Variants in HIVEP3 observed in about 807,000 individuals in gnomAD.
The protein encoded by HIVEP3 is HIVEP zinc finger 3.
In HIVEP3, 49 loss-of-function variants were observed where a neutral mutation model predicts 152.8. The observed-to-expected ratio is 0.32, with a 90% CI of 0.26 to 0.41. The LOEUF is 0.41. Ranked by LOEUF, HIVEP3 falls within the 10% of genes least tolerant of loss-of-function variation. The pLI, the probability that HIVEP3 is intolerant of heterozygous loss-of-function variation, is 1.00. For synonymous variants in HIVEP3, 1,269 were observed against 1,289.0 expected (o/e 0.98, Z 0.33); for missense variants, 2,790 against 3,103.3 (o/e 0.90, Z 2.40).
intron 1 of HIVEP3, among the ~76,000 whole-genome samples, chr1:41,830,569 CT>C (rs113226173): frequency 0.021 from 3,200 of 152,260 alleles, 132 homozygotes; most frequent in African/African-American, 0.074. Flanking sequence ...GGCCATACAC[CT>C]TTCCCAAAAG....
chr1:41,706,137 TG>T (rs1455062745), intron 1 of HIVEP3, among the ~76,000 whole-genome samples: 2 of 152,218 alleles, frequency 1.3e-5, no homozygotes, highest in Non-Finnish European at 2.9e-5. Flanking sequence ...TGCTGAGGTT[TG>T]GGCTTCAAAT....
intron 1 of HIVEP3, among the ~76,000 whole-genome samples, chr1:41,890,146 C>G (rs1175928120): frequency 6.6e-6 from 1 of 152,298 alleles, no homozygotes; most frequent in East Asian, 1.9e-4. Flanking sequence ...ATAGTCCCTA[C>G]CTCATGGGTT....
intron 3 of HIVEP3, among the ~76,000 whole-genome samples, chr1:41,592,211 C>T (rs1644598262): frequency 3.3e-5 from 5 of 152,180 alleles, no homozygotes; most frequent in Admixed American, 3.3e-4. Context: ...CCTGGAGTCA[C>T]CTTGGCTGCC....
intron 1 of HIVEP3, among the ~76,000 whole-genome samples, chr1:41,969,457 G>C (rs930513692): frequency 6.6e-6 from 1 of 152,158 alleles, no homozygotes; most frequent in African/African-American, 2.4e-5. Context: ...AAGCAATGGG[G>C]ACAGAATTTC....
chr1:41,599,020 T>C (rs1644708419), intron 3 of HIVEP3, among the ~76,000 whole-genome samples: 1 of 152,084 alleles, frequency 6.6e-6, no homozygotes, highest in South Asian at 2.1e-4. Context: ...TTTCACCATG[T>C]TGGCCAAGCT....
intron 5 of HIVEP3, among the ~76,000 whole-genome samples, chr1:41,559,856 C>T (rs911452388): frequency 5.3e-5 from 8 of 152,192 alleles, no homozygotes; most frequent in African/African-American, 1.2e-4. Flanking sequence ...TGCCACGTAC[C>T]GTGAGTACTT....
chr1:41,712,816 C>T (rs1646534406), intron 1 of HIVEP3, among the ~76,000 whole-genome samples: 1 of 152,206 alleles, frequency 6.6e-6, no homozygotes, highest in Admixed American at 6.5e-5. Flanking sequence ...AACTGGTGCC[C>T]TCCCAGGCTG....
chr1:41,514,641 T>C (rs1233276011), intron 7 of HIVEP3, among the ~76,000 whole-genome samples: 1 of 152,218 alleles, frequency 6.6e-6, no homozygotes, highest in Non-Finnish European at 1.5e-5. Flanking sequence ...TCCCATTGCC[T>C]GCCAGCCCCA....
At position 41,511,612 on chromosome 1, in the gene HIVEP3, T is replaced by C. The variant is rs1222583861; in HGVS notation, c.6406-346A>G. On this transcript the variant is annotated intron_variant, in intron 8 of 8. Coordinates refer to ENST00000372583, the MANE Select transcript of HIVEP3 (RefSeq NM_024503.5). This position sits in a 1 kb window ranked among gnomAD's most constrained non-coding sequence, Gnocchi z 4.9. Reference sequence around the variant, plus strand: ...CTGGCCTCTATGTGGGTCTGCTGCCTGTCCTGTTCCTAAAATGGTCTTCAC... The same window carrying C: ...CTGGCCTCTATGTGGGTCTGCTGCCCGTCCTGTTCCTAAAATGGTCTTCAC... Among the ~76,000 whole-genome samples the C allele has an allele frequency of 6.6e-6, 1 of 152,206 alleles. No individual in the cohort carries two copies. The highest frequency in any genetic ancestry group is 1.5e-5 in the Non-Finnish European group (1 of 68,028).
chr1:41,511,319 G>A lies in HIVEP3; in HGVS notation c.6406-53C>T. On this transcript the variant is annotated intron_variant, in intron 8 of 8. Coordinates refer to ENST00000372583, the MANE Select transcript of HIVEP3 (RefSeq NM_024503.5). The surrounding 1 kb of genome is among the most constrained non-coding windows in gnomAD (Gnocchi z 4.9). ...GGTGAAGGTTACATGCTGGGCACATGGGGAGCCGAGGCCTGGAAGTGGGAG... is the reference window on the plus strand; with the variant it reads ...GGTGAAGGTTACATGCTGGGCACATAGGGAGCCGAGGCCTGGAAGTGGGAG... 7.0e-7 allele frequency: 1 copy of A among 1,435,346 alleles called. No homozygotes were observed. The highest frequency in any genetic ancestry group is 9.4e-7 in the Non-Finnish European group (1 of 1,069,112). The allele number at this position is 1,435,346 out of a possible 1,614,324, so 88.9% of individuals were successfully genotyped here.
chr1:41,538,401 C>T (rs947256244), intron 5 of HIVEP3, among the ~76,000 whole-genome samples: 1 of 152,194 alleles, frequency 6.6e-6, no homozygotes, highest in African/African-American at 2.4e-5. Flanking sequence ...CCTTCTTATA[C>T]ACCTTCCAGA....
At chr1:41,749,801 G>C (rs1202890776) in intron 1 of HIVEP3, among the ~76,000 whole-genome samples, 2 of 152,144 alleles carry the variant, frequency 1.3e-5, no homozygotes, top group African/African-American at 2.4e-5. Context: ...GTGCTCTACG[G>C]AGCTCCGGGG....
At chr1:41,761,622 C>T (rs1324937458) in intron 1 of HIVEP3, among the ~76,000 whole-genome samples, 1 of 152,080 alleles carries the variant, frequency 6.6e-6, no homozygotes. Context: ...TATGTAAGTG[C>T]ATGGATGTGG....
intron 1 of HIVEP3, among the ~76,000 whole-genome samples, chr1:41,732,852 G>T (rs1459021819): frequency 6.6e-6 from 1 of 152,102 alleles, no homozygotes; most frequent in Non-Finnish European, 1.5e-5. Flanking sequence ...ATGGGACTGG[G>T]GGTCGGTAGG....
chr1:41,653,695 GCA>G, intron 2 of HIVEP3, among the ~76,000 whole-genome samples: 1 of 152,236 alleles, frequency 6.6e-6, no homozygotes. Flanking sequence ...CCAAATGTTC[GCA>G]TGCCAAGGCA....
chr1:41,718,210 T>C (rs1268689701), intron 1 of HIVEP3, among the ~76,000 whole-genome samples: 1 of 152,206 alleles, frequency 6.6e-6, no homozygotes, highest in African/African-American at 2.4e-5. Context: ...GGGTGGCCAG[T>C]GGTGGAACCA....
intron 5 of HIVEP3, among the ~76,000 whole-genome samples, chr1:41,575,335 C>A (rs1272277248): frequency 6.6e-6 from 1 of 152,142 alleles, no homozygotes; most frequent in Admixed American, 6.5e-5. Flanking sequence ...CCCAGCATCA[C>A]CCATCCCCAC....
intron 1 of HIVEP3, among the ~76,000 whole-genome samples, chr1:41,891,507 C>A (rs914746702): frequency 3.3e-5 from 5 of 152,192 alleles, no homozygotes; most frequent in African/African-American, 1.2e-4. Flanking sequence ...GACGGGCTGC[C>A]CCTCCTGCTC....
At chr1:41,776,274 T>A (rs1255782522) in intron 1 of HIVEP3, among the ~76,000 whole-genome samples, 1 of 152,202 alleles carries the variant, frequency 6.6e-6, no homozygotes, top group Non-Finnish European at 1.5e-5. Flanking sequence ...TGGCCACATG[T>A]CCATGAAGAA....
Sources: gnomAD v4.1 joint callset for allele counts (sites outside exome capture counted in the v4.1 genomes callset) on GRCh38, gnomAD v4.1.1 for gene constraint, Gnocchi (gnomAD v3.1) non-coding constraint, MANE v1.5 for transcripts, NCBI Gene and HGNC (gene_info 2026-07-23, HGNC 2026-07-21) for gene names.